Variants in SMC5 observed in about 807,000 individuals in gnomAD.
SMC5 encodes structural maintenance of chromosomes 5.
Under a neutral mutation model 148.3 loss-of-function variants are expected in SMC5, and 88 were observed. The observed-to-expected ratio is 0.59, with a 90% confidence interval of 0.50 to 0.71. The LOEUF (loss-of-function observed/expected upper bound fraction) is 0.71. SMC5 is among the 30% of genes least tolerant of loss of function. The pLI is 0.00. For missense variants in SMC5, 1,142 were observed against 1,298.9 expected (o/e 0.88, Z 1.86); for synonymous variants, 421 against 432.8 (o/e 0.97, Z 0.34).
Position 70,258,982 on chromosome 9 carries a change from C to G in SMC5, c.-97C>G. The G allele has an allele frequency of 7.2e-7, 1 of 1,396,138 alleles. No individual in the cohort carries two copies. The highest frequency in any genetic ancestry group is 1.5e-5 in the South Asian group (1 of 66,686). 86.5% of individuals were successfully genotyped at this position (1,396,138 alleles called of 1,614,324 possible). ...CGCGCGGTAACAGTTCGCGGCAGTT[C>G]GCGCGGGAGCGGGGCGCCTGGGTGG... On this transcript the variant is annotated 5_prime_UTR_variant, in exon 1 of 25. Transcript: ENST00000361138.
chr9:70,290,274 C>T (rs1024600450), intron 8 of SMC5, among the ~76,000 whole-genome samples: 4 of 152,108 alleles, frequency 2.6e-5, no homozygotes, highest in African/African-American at 4.8e-5. Context: ...TTACTTTAAG[C>T]CTATTTGTGT....
At chr9:70,315,001 G>A (rs1473493011) in intron 12 of SMC5, among the ~76,000 whole-genome samples, 165 bp downstream of exon 12, 1 of 152,036 alleles carries the variant, frequency 6.6e-6, no homozygotes, top group Admixed American at 6.6e-5. Context: ...CACACAGTGA[G>A]TGTGATGCGA....
At chr9:70,299,422 C>T (rs1424429203) in intron 9 of SMC5, among the ~76,000 whole-genome samples, 1 of 151,692 alleles carries the variant, frequency 6.6e-6, no homozygotes, top group African/African-American at 2.4e-5. Context: ...CCATAGCCTT[C>T]TGTCCTTCTC....
Position 70,259,024 on chromosome 9 carries a change from C to T in SMC5, c.-55C>T, listed in dbSNP as rs982095089. ...CCTGGGTGGATGGGCGCTTGGGCGC[C>T]TGGGCTGCCGGACGGTGGGAACGGA... On this transcript the variant is annotated 5_prime_UTR_variant, in exon 1 of 25. Transcript: ENST00000361138. 3 of 1,523,570 alleles carry T rather than the reference C, an allele frequency of 2.0e-6. No homozygotes were observed. The African/African-American group carries it at 4.2e-5, about 21-fold the overall frequency. The allele number at this position is 1,523,570 out of a possible 1,614,324, so 94.4% of individuals were successfully genotyped here. A position where few individuals can be genotyped will look rare whatever the true frequency, so the allele number is the denominator to read the frequency against.
intron 8 of SMC5, among the ~76,000 whole-genome samples, chr9:70,294,402 G>T (rs972381405): frequency 6.6e-6 from 1 of 152,162 alleles, no homozygotes; most frequent in African/African-American, 2.4e-5. Context: ...TAGTTAGAAG[G>T]TATATCAATA....
chr9:70,318,480 TTAGA>T, intron 13 of SMC5, 30 bp from the exon 14 acceptor site: 3 of 1,436,108 alleles, frequency 2.1e-6, no homozygotes, highest in Non-Finnish European at 2.8e-6. Context: ...ATAATTTATA[TTAGA>T]TGTGCACTAA....
intron 15 of SMC5, among the ~76,000 whole-genome samples, chr9:70,322,978 A>G (rs1564059443): frequency 6.6e-6 from 1 of 152,102 alleles, no homozygotes; most frequent in Non-Finnish European, 1.5e-5. Flanking sequence ...CCCCTCCCCA[A>G]CATACTCGTC....
At chr9:70,273,723 T>C (rs1322480772) in intron 3 of SMC5, among the ~76,000 whole-genome samples, 2 of 152,174 alleles carry the variant, frequency 1.3e-5, no homozygotes, top group African/African-American at 4.8e-5. Context: ...AATGTAGTGA[T>C]TTTCTTATTT....
intron 17 of SMC5, among the ~76,000 whole-genome samples, chr9:70,338,039 G>A (rs149369210): frequency 2.0e-5 from 3 of 151,958 alleles, no homozygotes; most frequent in Non-Finnish European, 2.9e-5. Flanking sequence ...CTTGAGAACG[G>A]GTTCTTACTC....
At chr9:70,337,136 AAGATG>A (rs2036378602) in intron 17 of SMC5, among the ~76,000 whole-genome samples, 1 of 152,214 alleles carries the variant, frequency 6.6e-6, no homozygotes, top group South Asian at 2.1e-4. Flanking sequence ...GTGGGAATTC[AAGATG>A]AGATTTGGGT....
At chr9:70,307,265 CA>C (rs2035528954) in intron 11 of SMC5, among the ~76,000 whole-genome samples, 1 of 151,922 alleles carries the variant, frequency 6.6e-6, no homozygotes, top group African/African-American at 2.4e-5. Context: ...GGGTGGTGTG[CA>C]CTATTTTTTC....
At chr9:70,326,732 C>CA (rs1381955171) in intron 17 of SMC5, among the ~76,000 whole-genome samples, 2 of 150,176 alleles carry the variant, frequency 1.3e-5, no homozygotes, top group Non-Finnish European at 3.0e-5. Context: ...TGAAATTTTC[C>CA]AAAAAGACAA....
At chr9:70,350,534 A>G in intron 24 of SMC5, 63 bp downstream of exon 24, 2 of 1,139,660 alleles carry the variant, frequency 1.8e-6, no homozygotes, top group Non-Finnish European at 2.5e-6. Context: ...ATAATCATAC[A>G]GTTTTTGTCC....
chr9:70,345,646 C>A (rs1389738376), intron 18 of SMC5, among the ~76,000 whole-genome samples: 5 of 151,738 alleles, frequency 3.3e-5, no homozygotes, highest in African/African-American at 1.2e-4. Context: ...TAAAAATTAT[C>A]CAAGCAGAGA....
intron 4 of SMC5, 120 bp from the exon 5 acceptor site, chr9:70,278,371 A>G (rs953621436): frequency 3.4e-6 from 3 of 871,966 alleles, no homozygotes; most frequent in African/African-American, 2.0e-5. Flanking sequence ...CAAAAGGTTT[A>G]TATCTCAAAT....
At chr9:70,343,923 G>A (rs1564072087) in intron 17 of SMC5, among the ~76,000 whole-genome samples, 1 of 152,072 alleles carries the variant, frequency 6.6e-6, no homozygotes, top group Non-Finnish European at 1.5e-5. Flanking sequence ...ACCTCTTATG[G>A]ATTAGAGAAA....
At chr9:70,303,071 A>C (rs1468405262) in intron 10 of SMC5, among the ~76,000 whole-genome samples, 5 of 152,100 alleles carry the variant, frequency 3.3e-5, no homozygotes, top group African/African-American at 9.7e-5. Context: ...CTCTACAAAA[A>C]TAAAAATTAG....
At chr9:70,330,015 C>T (rs1258602980) in intron 17 of SMC5, among the ~76,000 whole-genome samples, 2 of 152,074 alleles carry the variant, frequency 1.3e-5, no homozygotes, top group African/African-American at 4.8e-5. Context: ...ATCATGAGAT[C>T]AGCAAGGAGG....
At chr9:70,282,876 A>C (rs1367936802) in intron 7 of SMC5, among the ~76,000 whole-genome samples, 1 of 152,126 alleles carries the variant, frequency 6.6e-6, no homozygotes, top group Non-Finnish European at 1.5e-5. Context: ...CTTTTTGTGA[A>C]TATATTATAC....
Sources: allele counts gnomAD v4.1 joint callset (sites outside exome capture counted in the v4.1 genomes callset), GRCh38; gene constraint gnomAD v4.1.1; transcripts MANE v1.5; gene names NCBI Gene and HGNC (gene_info 2026-07-23, HGNC 2026-07-21).